Variants in XIRP2 observed in about 807,000 individuals in gnomAD.
The protein encoded by XIRP2 is xin actin-binding repeat-containing protein 2.
In XIRP2, 236 loss-of-function variants were observed where a neutral mutation model predicts 277.0. That is an observed-to-expected ratio of 0.85 (90% CI 0.77 to 0.95). XIRP2 has a LOEUF of 0.95. Among genes scored for constraint, XIRP2 ranks in the 40% least tolerant of loss-of-function variants. XIRP2 has a pLI of 0.00. For synonymous variants in XIRP2, 1,490 were observed against 1,416.5 expected, an observed-to-expected ratio of 1.05 and a Z score of -1.17; for missense variants, 4,640 against 4,157.5, an observed-to-expected ratio of 1.12 and a Z score of -3.19.
intron 2 of XIRP2, among the ~76,000 whole-genome samples, chr2:166,963,324 A>G (rs1010941225): frequency 3.3e-5 from 5 of 151,828 alleles, no homozygotes; most frequent in African/African-American, 1.2e-4. Context: ...TCATTCATTC[A>G]TTCGTTCATT....
rs182925241 is a variant in XIRP2, at chr2:167,030,440, C to T, written c.409-105469C>T. On this transcript the variant is annotated intron_variant, in intron 2 of 10. Coordinates refer to ENST00000409195, the MANE Select transcript of XIRP2 (RefSeq NM_152381.6). ...CTTTGTTCTCATTGGGTTCAAAAAACTTATTTATTTCTGCCTTAATTTTGT... is the reference window on the plus strand; with the variant it reads ...CTTTGTTCTCATTGGGTTCAAAAAATTTATTTATTTCTGCCTTAATTTTGT... Among the ~76,000 whole-genome samples the T allele has an allele frequency of 1.6e-3, 250 of 152,134 alleles. 1 individual carries two copies. The highest frequency in any genetic ancestry group is 5.9e-3 in the African/African-American group (243 of 41,494).
intron 2 of XIRP2, among the ~76,000 whole-genome samples, chr2:166,962,394 G>A (rs1686322079): frequency 6.6e-6 from 1 of 151,542 alleles, no homozygotes; most frequent in Admixed American, 6.6e-5. Flanking sequence ...TTACAGGGGG[G>A]TAATATTGTA....
intron 2 of XIRP2, among the ~76,000 whole-genome samples, chr2:167,133,108 G>A (rs1478111104): frequency 2.6e-5 from 4 of 152,116 alleles, no homozygotes; most frequent in Non-Finnish European, 5.9e-5. Context: ...CTTATTAGTA[G>A]CCAAGGGAGG....
At chr2:167,253,631 A>G (rs1695577123) in intron 9 of XIRP2, among the ~76,000 whole-genome samples, 1 of 151,746 alleles carries the variant, frequency 6.6e-6, no homozygotes, top group African/African-American at 2.4e-5. Flanking sequence ...GGAAAACTCA[A>G]TTACCTACAA....
intron 3 of XIRP2, among the ~76,000 whole-genome samples, chr2:167,200,620 T>C (rs1167170936): frequency 6.6e-6 from 1 of 152,224 alleles, no homozygotes; most frequent in Non-Finnish European, 1.5e-5. Flanking sequence ...TCATAAAACC[T>C]GTTATATTTA....
intron 2 of XIRP2, among the ~76,000 whole-genome samples, chr2:167,008,545 G>T (rs1687568076): frequency 6.6e-6 from 1 of 151,564 alleles, no homozygotes; most frequent in Non-Finnish European, 1.5e-5. Flanking sequence ...AGCTATGGAA[G>T]GAAATAAAGT....
chr2:167,161,573 C>T (rs1170075496), intron 3 of XIRP2, among the ~76,000 whole-genome samples: 1 of 152,194 alleles, frequency 6.6e-6, no homozygotes, highest in Non-Finnish European at 1.5e-5. Flanking sequence ...CCCTTCCAGC[C>T]ACAGCTGGAG....
chr2:167,252,871 G>C (rs1041754480), intron 9 of XIRP2, among the ~76,000 whole-genome samples: 70 of 151,936 alleles, frequency 4.6e-4, no homozygotes, highest in African/African-American at 1.7e-3. Flanking sequence ...TATGTGTCTA[G>C]TTTATCAGGT....
chr2:167,160,328 A>T (rs1692327578), intron 3 of XIRP2, among the ~76,000 whole-genome samples: 1 of 152,212 alleles, frequency 6.6e-6, no homozygotes, highest in South Asian at 2.1e-4. Flanking sequence ...TATTCTATGG[A>T]TGTGCATGCA....
intron 2 of XIRP2, among the ~76,000 whole-genome samples, chr2:167,017,202 A>C (rs1194283755): frequency 6.6e-6 from 1 of 152,002 alleles, no homozygotes; most frequent in African/African-American, 2.4e-5. Context: ...CCATTCCTGA[A>C]GTTGTTCTCA....
At chr2:167,053,410 T>C (rs868760335) in intron 2 of XIRP2, among the ~76,000 whole-genome samples, 1 of 152,206 alleles carries the variant, frequency 6.6e-6, no homozygotes. Context: ...ACATTGTTTC[T>C]TCCCTTCTTG....
chr2:166,897,416 C>T (rs184254647), intron 1 of XIRP2, among the ~76,000 whole-genome samples: 3 of 152,136 alleles, frequency 2.0e-5, no homozygotes, highest in Middle Eastern at 3.4e-3. Flanking sequence ...TGGTGGCATG[C>T]GTCACCATCG....
intron 3 of XIRP2, among the ~76,000 whole-genome samples, chr2:167,176,191 T>A (rs965018818): frequency 6.6e-6 from 1 of 152,100 alleles, no homozygotes; most frequent in Non-Finnish European, 1.5e-5. Flanking sequence ...TGCAGCTAGC[T>A]CAGTGTCTGC....
At chr2:167,166,296 T>G (rs1183712626) in intron 3 of XIRP2, among the ~76,000 whole-genome samples, 2 of 152,246 alleles carry the variant, frequency 1.3e-5, no homozygotes, top group Non-Finnish European at 2.9e-5. Flanking sequence ...AATTTCTAAC[T>G]TAATTCCATT....
chr2:167,094,948 A>G (rs923242028), intron 2 of XIRP2, among the ~76,000 whole-genome samples: 3 of 152,146 alleles, frequency 2.0e-5, no homozygotes, highest in African/African-American at 7.2e-5. Context: ...CCTATCCATG[A>G]CTATGGAATG....
intron 2 of XIRP2, among the ~76,000 whole-genome samples, chr2:166,997,778 A>T (rs964331206): frequency 1.3e-5 from 2 of 151,840 alleles, no homozygotes; most frequent in Admixed American, 1.3e-4. Context: ...GGTGGCGGGC[A>T]CCTGTAGTCC....
chr2:166,916,549 A>G (rs1684885915), intron 2 of XIRP2, among the ~76,000 whole-genome samples: 1 of 152,238 alleles, frequency 6.6e-6, no homozygotes, highest in African/African-American at 2.4e-5. Flanking sequence ...GCTTAATATT[A>G]GTATAGAGAA....
chr2:166,913,865 C>A (rs1684786777), intron 2 of XIRP2, among the ~76,000 whole-genome samples: 1 of 152,118 alleles, frequency 6.6e-6, no homozygotes, highest in South Asian at 2.1e-4. Context: ...TCCAAGTTGA[C>A]AAGTATTTGT....
chr2:167,160,785 C>G (rs1272015625), intron 3 of XIRP2, among the ~76,000 whole-genome samples: 1 of 152,110 alleles, frequency 6.6e-6, no homozygotes, highest in Non-Finnish European at 1.5e-5. Flanking sequence ...ATTTCAAAAC[C>G]AGTGCCTTCC....
Sources: allele counts gnomAD v4.1 joint callset (sites outside exome capture counted in the v4.1 genomes callset), GRCh38; gene constraint gnomAD v4.1.1; transcripts MANE v1.5; gene names NCBI Gene and HGNC (gene_info 2026-07-23, HGNC 2026-07-21).